PRDM16: variants seen among roughly 807,000 people sequenced by gnomAD.
The protein encoded by PRDM16 is PR/SET domain 16.
PRDM16 carries 23 observed loss-of-function variants against 110.6 expected under a neutral mutation model. The ratio of observed to expected loss-of-function variants is 0.21; its 90% CI spans 0.15 to 0.29. The LOEUF (loss-of-function observed/expected upper bound fraction) is 0.29, where lower values mean the gene tolerates loss of function less well. PRDM16 is among the 10% of genes least tolerant of loss of function. The pLI is 1.00. For missense variants in PRDM16, 1,615 were observed against 1,794.3 expected (o/e 0.90, Z 1.81); for synonymous variants, 799 against 781.8 (o/e 1.02, Z -0.37).
chr1:3,363,823 G>A (rs1179704485), intron 3 of PRDM16, among the ~76,000 whole-genome samples: 3 of 152,166 alleles, frequency 2.0e-5, no homozygotes, highest in Admixed American at 6.5e-5. Context: ...GAAGGAAGGA[G>A]GAGAAAGCAG....
chr1:3,283,838 C>T (rs538709398), intron 3 of PRDM16, among the ~76,000 whole-genome samples: 31 of 152,382 alleles, frequency 2.0e-4, no homozygotes, highest in African/African-American at 6.3e-4. Flanking sequence ...GGCCACACAG[C>T]CTCCCCGACC....
Position 3,390,648 on chromosome 1 carries a change from G to A in PRDM16, c.573+5362G>A, listed in dbSNP as rs971176350. Among the ~76,000 whole-genome samples, 18 of 152,130 alleles carry A rather than the reference G, an allele frequency of 1.2e-4. No homozygotes were observed. Among genetic ancestry groups the A allele is most frequent in the African/African-American group, 4.3e-4 (18 of 41,434 alleles). On this transcript the variant is annotated intron_variant, in intron 4 of 16. Transcript: ENST00000270722. The surrounding 1 kb of genome is among the most constrained non-coding windows in gnomAD (Gnocchi z 5.0). Reference sequence around the variant, plus strand: ...GTTCATGAGAACCAGGTGTCTCTCGGGTCGGCGGAGGGCATTTCTCTTTTG... The same window carrying A: ...GTTCATGAGAACCAGGTGTCTCTCGAGTCGGCGGAGGGCATTTCTCTTTTG...
intron 3 of PRDM16, among the ~76,000 whole-genome samples, chr1:3,344,415 T>G (rs1642325993): frequency 6.6e-6 from 1 of 152,254 alleles, no homozygotes. Flanking sequence ...CATTTCCCTG[T>G]TGGCATTTCC....
chr1:3,373,716 G>A (rs1483365600), intron 3 of PRDM16, among the ~76,000 whole-genome samples: 1 of 152,178 alleles, frequency 6.6e-6, no homozygotes, highest in Non-Finnish European at 1.5e-5. Flanking sequence ...TAGCAGCCTG[G>A]CCCCGTGTGG....
At chr1:3,281,140 C>A (rs1221156798) in intron 3 of PRDM16, among the ~76,000 whole-genome samples, 1 of 152,222 alleles carries the variant, frequency 6.6e-6, no homozygotes, top group East Asian at 1.9e-4. Flanking sequence ...AGAAACTGGG[C>A]CCTAGGAGGA....
intron 2 of PRDM16, among the ~76,000 whole-genome samples, chr1:3,229,335 T>C (rs1639357314): frequency 6.6e-6 from 1 of 152,076 alleles, no homozygotes; most frequent in Non-Finnish European, 1.5e-5. Context: ...GGGCAAGAGG[T>C]GCCCACACCT....
chr1:3,317,223 G>T (rs548532662), intron 3 of PRDM16, among the ~76,000 whole-genome samples: 1 of 152,156 alleles, frequency 6.6e-6, no homozygotes, highest in Non-Finnish European at 1.5e-5. Context: ...AGGGATGTTT[G>T]CATCTTTGCT....
rs1175120827 is a variant in PRDM16 at position 3,353,405 on chromosome 1, G to A, written c.439-31747G>A. On this transcript the variant is annotated intron_variant, in intron 3 of 16. Transcript: ENST00000270722. This position sits in a 1 kb window ranked among gnomAD's most constrained non-coding sequence, Gnocchi z 5.4. Reference sequence around the variant, plus strand: ...TCTTGCCACATCTGAAATTGGACCCGAATGCGCATGGGGACACCATCCTGC... The same window carrying A: ...TCTTGCCACATCTGAAATTGGACCCAAATGCGCATGGGGACACCATCCTGC... Among the ~76,000 whole-genome samples the A allele has an allele frequency of 3.9e-5, 6 of 152,298 alleles. No individual in the cohort carries two copies. The highest frequency in any genetic ancestry group is 2.6e-4 in the Admixed American group (4 of 15,302).
chr1:3,409,598 G>A (rs569792615), intron 8 of PRDM16, among the ~76,000 whole-genome samples: 7 of 152,220 alleles, frequency 4.6e-5, no homozygotes, highest in East Asian at 1.9e-4. Context: ...TTTCCACCAC[G>A]CCGTGTTTAG....
intron 3 of PRDM16, among the ~76,000 whole-genome samples, chr1:3,283,358 T>C (rs984605652): frequency 6.6e-6 from 1 of 152,074 alleles, no homozygotes; most frequent in African/African-American, 2.4e-5. Context: ...CCTTGTTCAT[T>C]CTCCAATGCC....
chr1:3,197,532 G>A (rs895709831), intron 2 of PRDM16, among the ~76,000 whole-genome samples: 5 of 152,232 alleles, frequency 3.3e-5, no homozygotes, highest in African/African-American at 7.2e-5. Context: ...AGGCTGTGCC[G>A]GGATCAGCTT....
intron 2 of PRDM16, among the ~76,000 whole-genome samples, chr1:3,242,471 G>A (rs1323237562): frequency 2.0e-5 from 3 of 152,184 alleles, no homozygotes; most frequent in African/African-American, 7.2e-5. Context: ...ATGGCCAAAC[G>A]GTCCTCCAGC....
intron 15 of PRDM16, 115 bp from the exon 16 acceptor site, chr1:3,431,851 T>C: frequency 3.0e-6 from 3 of 1,013,044 alleles, no homozygotes; most frequent in Admixed American, 4.4e-5. Flanking sequence ...TGCATGTGGC[T>C]GGCAGAGATG....
chr1:3,245,719 CTT>C lies in PRDM16; in HGVS notation c.438+1584_438+1585del, dbSNP rs1200078453. Among the ~76,000 whole-genome samples the C allele has an allele frequency of 6.7e-6, 1 of 148,220 alleles. No individual in the cohort carries two copies. The highest frequency in any genetic ancestry group is 1.9e-4 in the East Asian group (1 of 5,182). ...TTTCCCTCTTTCTCCTTTCCTGCCT[CTT>C]TAAATGAGTTCACATTTTCTTAAAG... On this transcript the variant is annotated intron_variant, in intron 3 of 16. Coordinates refer to ENST00000270722, the MANE Select transcript of PRDM16 (RefSeq NM_022114.4). The surrounding 1 kb of genome is among the most constrained non-coding windows in gnomAD (Gnocchi z 4.7).
At chr1:3,431,489 G>T (rs951382813) in intron 15 of PRDM16, among the ~76,000 whole-genome samples, 11 of 152,244 alleles carry the variant, frequency 7.2e-5, no homozygotes, top group Non-Finnish European at 1.3e-4. Context: ...TTCTGTGCCG[G>T]CCAGGGCCAC....
chr1:3,402,454 C>T (rs1238194370), intron 5 of PRDM16, among the ~76,000 whole-genome samples: 1 of 152,266 alleles, frequency 6.6e-6, no homozygotes, highest in African/African-American at 2.4e-5. Flanking sequence ...GCACTTGGCC[C>T]GGCTTCCTCC....
At chr1:3,247,911 G>A (rs1169666654) in intron 3 of PRDM16, among the ~76,000 whole-genome samples, 1 of 152,246 alleles carries the variant, frequency 6.6e-6, no homozygotes, top group Non-Finnish European at 1.5e-5. Flanking sequence ...TTTACTTAGA[G>A]GGAAAGCCCG....
At position 3,214,502 on chromosome 1, in the gene PRDM16, G is replaced by A. The variant is rs138818250; in HGVS notation, c.387+28028G>A. On this transcript the variant is annotated intron_variant, in intron 2 of 16. Coordinates refer to ENST00000270722, the MANE Select transcript of PRDM16 (RefSeq NM_022114.4). The stretch of plus-strand genomic sequence containing the variant: ...ACCTGAGGTTGGGAGTTCAAGACCA[G>A]CCTGGCCAATGTGGCAAAACCCTGT... Among the ~76,000 whole-genome samples, 1,414 of 152,290 alleles carry A rather than the reference G, an allele frequency of 9.3e-3. 19 individuals are homozygous for A. The highest frequency in any genetic ancestry group is 0.032 in the African/African-American group (1,332 of 41,558).
chr1:3,280,836 A>G (rs1010483948), intron 3 of PRDM16, among the ~76,000 whole-genome samples: 3 of 152,186 alleles, frequency 2.0e-5, no homozygotes, highest in East Asian at 3.9e-4. Flanking sequence ...AGGAGAAATC[A>G]AAGTGGGGTT....
Sources: allele counts gnomAD v4.1 joint callset (sites outside exome capture counted in the v4.1 genomes callset), GRCh38; gene constraint gnomAD v4.1.1; non-coding constraint Gnocchi (gnomAD v3.1); transcripts MANE v1.5; gene names NCBI Gene and HGNC (gene_info 2026-07-23, HGNC 2026-07-21).